Variants in HPSE2 observed in about 807,000 individuals in gnomAD.
HPSE2 encodes inactive heparanase-2.
HPSE2 carries 38 observed loss-of-function variants against 60.5 expected under a neutral mutation model. The ratio of observed to expected loss-of-function variants is 0.63; its 90% confidence interval spans 0.48 to 0.82. The LOEUF (loss-of-function observed/expected upper bound fraction) is 0.82. Ranked by LOEUF, HPSE2 falls within the 40% of genes least tolerant of loss-of-function variation. The pLI is 0.00. For missense variants in HPSE2, 713 were observed against 740.4 expected, an observed-to-expected ratio of 0.96 and a Z score of 0.43; for synonymous variants, 295 against 293.2, an observed-to-expected ratio of 1.01 and a Z score of -0.06.
At chr10:99,037,915 G>A (rs1957646861) in intron 3 of HPSE2, among the ~76,000 whole-genome samples, 2 of 152,040 alleles carry the variant, frequency 1.3e-5, no homozygotes, top group Admixed American at 6.6e-5. Flanking sequence ...AGGAGATACA[G>A]ACGACAAATA....
At chr10:98,968,090 A>AGC (rs1188878600) in intron 3 of HPSE2, among the ~76,000 whole-genome samples, 1 of 152,194 alleles carries the variant, frequency 6.6e-6, no homozygotes, top group Non-Finnish European at 1.5e-5. Context: ...ATACTAACCT[A>AGC]TAAGAGAAAA....
chr10:99,216,567 G>A (rs1228509748), intron 2 of HPSE2, among the ~76,000 whole-genome samples: 1 of 152,048 alleles, frequency 6.6e-6, no homozygotes, highest in African/African-American at 2.4e-5. Context: ...TGACACCTGT[G>A]GAATCCTCCT....
intron 9 of HPSE2, 96 bp downstream of exon 9, chr10:98,614,808 G>T: frequency 1.1e-6 from 1 of 877,484 alleles, no homozygotes; most frequent in Non-Finnish European, 2.0e-6. Context: ...ACTGGTAACA[G>T]CAAGAGGAAA....
intron 3 of HPSE2, among the ~76,000 whole-genome samples, chr10:99,091,337 C>A (rs1037930111): frequency 6.6e-6 from 1 of 152,032 alleles, no homozygotes; most frequent in Non-Finnish European, 1.5e-5. Flanking sequence ...TAAAACTAAA[C>A]CTTGTGAAAA....
intron 6 of HPSE2, among the ~76,000 whole-genome samples, chr10:98,676,208 C>T (rs1000415117): frequency 2.0e-5 from 3 of 152,144 alleles, no homozygotes; most frequent in Admixed American, 1.3e-4. Flanking sequence ...GTGTTATTAA[C>T]TATGTGCAAG....
chr10:99,314,299 A>G, the HPSE2 span, among the ~76,000 whole-genome samples: 2 of 152,184 alleles, frequency 1.3e-5, no homozygotes, highest in South Asian at 2.1e-4. Context: ...GGTAGTTGGG[A>G]CTATAGGTGC....
intron 3 of HPSE2, among the ~76,000 whole-genome samples, chr10:99,016,233 T>G (rs1957138562): frequency 6.6e-6 from 1 of 152,206 alleles, no homozygotes; most frequent in Non-Finnish European, 1.5e-5. Context: ...AAGGTTCCAG[T>G]TTTAATCTTC....
intron 3 of HPSE2, among the ~76,000 whole-genome samples, chr10:98,844,767 T>C (rs928101146): frequency 5.3e-5 from 8 of 152,210 alleles, no homozygotes; most frequent in Non-Finnish European, 8.8e-5. Flanking sequence ...ACGTTTCTAA[T>C]ATTTAAACTT....
chr10:98,646,741 A>G (rs1296812490), intron 6 of HPSE2, among the ~76,000 whole-genome samples: 1 of 152,220 alleles, frequency 6.6e-6, no homozygotes, highest in African/African-American at 2.4e-5. Context: ...TTCCAGTACA[A>G]TAATCTTCAT....
the HPSE2 span, among the ~76,000 whole-genome samples, chr10:99,285,471 G>A: frequency 8.4e-6 from 1 of 118,954 alleles, no homozygotes; most frequent in Admixed American, 9.1e-5. Context: ...GGGAAGGAAG[G>A]AAGGAAGGGA....
chr10:98,921,055 T>A (rs938892959), intron 3 of HPSE2, among the ~76,000 whole-genome samples: 11 of 152,204 alleles, frequency 7.2e-5, no homozygotes, highest in African/African-American at 2.7e-4. Context: ...TGCATCTAAA[T>A]CCTGGTTCTA....
chr10:98,514,609 G>A (rs948646292), intron 9 of HPSE2, among the ~76,000 whole-genome samples: 4 of 151,610 alleles, frequency 2.6e-5, no homozygotes, highest in African/African-American at 9.7e-5. Context: ...TTTGTAAGAT[G>A]GTTGTAGTGA....
At chr10:98,960,246 C>T (rs1040252977) in intron 3 of HPSE2, among the ~76,000 whole-genome samples, 1 of 152,074 alleles carries the variant, frequency 6.6e-6, no homozygotes, top group Non-Finnish European at 1.5e-5. Flanking sequence ...GTCATTAGCA[C>T]CTCTCCCACA....
the HPSE2 span, among the ~76,000 whole-genome samples, chr10:99,251,351 G>T: frequency 6.6e-6 from 1 of 152,030 alleles, no homozygotes; most frequent in Admixed American, 6.6e-5. Context: ...TAGTAATAAA[G>T]CACCTACCAA....
chr10:98,636,015 C>T (rs1158508047), intron 7 of HPSE2, among the ~76,000 whole-genome samples: 1 of 151,896 alleles, frequency 6.6e-6, no homozygotes, highest in Non-Finnish European at 1.5e-5. Context: ...ACAGTGGTTA[C>T]TAAAAGCTAG....
At chr10:98,918,216 T>C (rs920283365) in intron 3 of HPSE2, among the ~76,000 whole-genome samples, 6 of 152,170 alleles carry the variant, frequency 3.9e-5, no homozygotes, top group Admixed American at 6.5e-5. Context: ...TTTTATTCAT[T>C]TACATCCCAT....
intron 3 of HPSE2, among the ~76,000 whole-genome samples, chr10:98,797,680 A>G (rs190752690): frequency 6.6e-6 from 1 of 151,770 alleles, no homozygotes; most frequent in Non-Finnish European, 1.5e-5. Flanking sequence ...CGTCTCTACT[A>G]AAAAATACAA....
chr10:98,900,536 G>T lies in HPSE2; in HGVS notation c.611-156480C>A, dbSNP rs1205214104. Among the ~76,000 whole-genome samples, 3 of 152,202 alleles carry T rather than the reference G, an allele frequency of 2.0e-5. No individual in the cohort carries two copies. The East Asian group carries it at 5.8e-4, about 29-fold the overall frequency. ...TGATATGGATATACAGTACATGTTA[G>T]TTATGCACGAACATTATATATGATA... is the stretch of plus-strand genomic sequence containing the variant. On this transcript the variant is annotated intron_variant, in intron 3 of 11. Transcript: ENST00000370552.
chr10:98,923,160 C>T (rs1954333848), intron 3 of HPSE2, among the ~76,000 whole-genome samples: 1 of 152,154 alleles, frequency 6.6e-6, no homozygotes, highest in African/African-American at 2.4e-5. Context: ...GATATTTTCT[C>T]AAGATATACT....
Sources: allele counts gnomAD v4.1 joint callset (sites outside exome capture counted in the v4.1 genomes callset), GRCh38; gene constraint gnomAD v4.1.1; transcripts MANE v1.5; gene names NCBI Gene and HGNC (gene_info 2026-07-23, HGNC 2026-07-21).